FBN1: variants seen among roughly 807,000 people sequenced by gnomAD.
The protein encoded by FBN1 is fibrillin-1.
A neutral mutation model predicts 365.1 loss-of-function variants in FBN1; 29 were observed. The ratio of observed to expected loss-of-function variants is 0.08; its 90% CI spans 0.06 to 0.11. The LOEUF is 0.11. Ranked by LOEUF, FBN1 falls within the 10% of genes least tolerant of loss-of-function variation. FBN1 has a pLI of 1.00. For synonymous variants in FBN1, 1,210 were observed against 1,270.5 expected (o/e 0.95, Z 1.01); for missense variants, 2,476 against 3,703.2 (o/e 0.67, Z 8.60).
At position 48,468,440 on chromosome 15, in the gene FBN1, T is replaced by C. The variant is rs771174411; in HGVS notation, c.4554A>G (p.Glu1518=). The change falls in exon 37 of 66, where the codon GAA becomes GAG. Residue 1518 remains glutamate (E), a synonymous_variant. Transcript: ENST00000316623. ...SYICDCPPDF[E]LNPTRVGCVD... ...CACAGCCAACTCGAGTTGGGTTCAG[T>C]TCAAAATCAGGTGGGCAGTCACAGA... 1.2e-6 allele frequency: 2 copies of C among 1,614,170 alleles called. No individual in the cohort carries two copies.
rs201419274 is a variant in FBN1, at chr15:48,437,723, C to T, written c.6313+45G>A. 317 of 1,610,088 alleles carry T rather than the reference C, an allele frequency of 2.0e-4. 2 individuals are homozygous for T. In the African/African-American group the frequency reaches 3.7e-3, roughly 19 times the overall value. On this transcript the variant is annotated intron_variant, in intron 51 of 65. Coordinates refer to ENST00000316623, the MANE Select transcript of FBN1 (RefSeq NM_000138.5). Reference sequence around the variant, plus strand: ...CAGTCTTACTTACATCATGGCCAGTCTGCACCCTGCATGGCCCAGAGAGAA... The same window carrying T: ...CAGTCTTACTTACATCATGGCCAGTTTGCACCCTGCATGGCCCAGAGAGAA...
intron 6 of FBN1, among the ~76,000 whole-genome samples, chr15:48,552,568 C>T (rs1413674714): frequency 6.6e-6 from 1 of 152,052 alleles, no homozygotes; most frequent in Non-Finnish European, 1.5e-5. Flanking sequence ...CACTGGCTGG[C>T]CTGATGACAT....
At chr15:48,465,896 CTAAAGTTTTTAGAA>C (rs1566904053) in intron 38 of FBN1, 38 bp from the exon 39 acceptor site, 1 of 1,439,738 alleles carries the variant, frequency 6.9e-7, no homozygotes, top group Admixed American at 1.7e-5. Flanking sequence ...TGTTTTGAAT[CTAAAGTTTTTAGAA>C]ATAGTATCCT....
At chr15:48,555,577 A>G (rs1299420296) in intron 6 of FBN1, among the ~76,000 whole-genome samples, 1 of 152,118 alleles carries the variant, frequency 6.6e-6, no homozygotes, top group African/African-American at 2.4e-5. Context: ...CAGTCATACC[A>G]TTTGGCCATG....
chr15:48,491,973 G>T (rs1029219553), intron 24 of FBN1, among the ~76,000 whole-genome samples: 14 of 152,148 alleles, frequency 9.2e-5, no homozygotes, highest in African/African-American at 3.4e-4. Context: ...AGTTGGCACA[G>T]AATATCCCAC....
intron 6 of FBN1, among the ~76,000 whole-genome samples, chr15:48,591,724 C>A (rs181507870): frequency 1.3e-5 from 2 of 151,846 alleles, no homozygotes; most frequent in East Asian, 3.9e-4. Flanking sequence ...ATGAGTGGCC[C>A]CTTTCCAGTG....
chr15:48,546,122 T>G (rs773156354), intron 6 of FBN1, among the ~76,000 whole-genome samples: 9 of 152,218 alleles, frequency 5.9e-5, no homozygotes, highest in Non-Finnish European at 1.2e-4. Context: ...AACAGAATCA[T>G]GGGTTTCCTT....
chr15:48,456,223 T>A (rs1346030245), intron 44 of FBN1, among the ~76,000 whole-genome samples: 1 of 152,262 alleles, frequency 6.6e-6, no homozygotes, highest in East Asian at 1.9e-4. Flanking sequence ...AATATCTGCA[T>A]TAACCTTGTT....
At chr15:48,608,897 A>G (rs1597630484) in intron 4 of FBN1, among the ~76,000 whole-genome samples, 1 of 152,342 alleles carries the variant, frequency 6.6e-6, no homozygotes, top group East Asian at 1.9e-4. Context: ...TCGATAGAGA[A>G]GTCATTATCA....
At chr15:48,612,083 A>C (rs574444227) in intron 3 of FBN1, among the ~76,000 whole-genome samples, 1 of 152,368 alleles carries the variant, frequency 6.6e-6, no homozygotes, top group South Asian at 2.1e-4. Flanking sequence ...AGAAAAATCC[A>C]AATACCATTA....
intron 33 of FBN1, 41 bp downstream of exon 33, chr15:48,474,487 T>C (rs367614533): frequency 7.9e-5 from 127 of 1,613,972 alleles, no homozygotes; most frequent in Non-Finnish European, 9.1e-5. Flanking sequence ...GTGTAATCTA[T>C]GCAGTCCTTG....
intron 12 of FBN1, 55 bp downstream of exon 12, chr15:48,515,332 T>A: frequency 6.2e-7 from 1 of 1,604,220 alleles, no homozygotes; most frequent in Non-Finnish European, 8.5e-7. Context: ...ACCAGTAGAG[T>A]CAAGGAACAG....
intron 15 of FBN1, among the ~76,000 whole-genome samples, chr15:48,507,419 A>C (rs1488658782): frequency 6.6e-6 from 1 of 152,182 alleles, no homozygotes; most frequent in African/African-American, 2.4e-5. Context: ...CTCCTAGCAC[A>C]GGGCTCAAAA....
At chr15:48,516,631 C>G (rs1396014267) in intron 10 of FBN1, among the ~76,000 whole-genome samples, 1 of 152,156 alleles carries the variant, frequency 6.6e-6, no homozygotes, top group African/African-American at 2.4e-5. Context: ...AAATTCACCT[C>G]ATGGAAAACA....
At chr15:48,490,145 C>T in intron 24 of FBN1, 67 bp from the exon 25 acceptor site, 2 of 1,303,042 alleles carry the variant, frequency 1.5e-6, no homozygotes, top group East Asian at 2.3e-5. Flanking sequence ...ACTGCCAACA[C>T]TCTGTTAGGT....
chr15:48,556,988 G>A (rs955100264), intron 6 of FBN1, among the ~76,000 whole-genome samples: 3 of 152,084 alleles, frequency 2.0e-5, no homozygotes, highest in African/African-American at 7.2e-5. Flanking sequence ...CAGACTTTTC[G>A]AATGCCCTTC....
chr15:48,521,184 CCCTGG>C (rs1178726035), intron 9 of FBN1, among the ~76,000 whole-genome samples: 9 of 152,150 alleles, frequency 5.9e-5, no homozygotes, highest in Non-Finnish European at 1.0e-4. Context: ...ACTGGGTTGT[CCCTGG>C]TTTCAAACTG....
At chr15:48,608,120 T>C (rs183498349) in intron 4 of FBN1, among the ~76,000 whole-genome samples, 1 of 152,320 alleles carries the variant, frequency 6.6e-6, no homozygotes, top group East Asian at 1.9e-4. Flanking sequence ...CAATCTCTCA[T>C]TCAGGTCACT....
intron 6 of FBN1, among the ~76,000 whole-genome samples, chr15:48,572,137 C>A (rs752690249): frequency 6.6e-6 from 1 of 152,062 alleles, no homozygotes; most frequent in Non-Finnish European, 1.5e-5. Context: ...TTTCTCTGCA[C>A]TTTTCTAAAT....
Sources: gnomAD v4.1 joint callset for allele counts (sites outside exome capture counted in the v4.1 genomes callset) on GRCh38, gnomAD v4.1.1 for gene constraint, MANE v1.5 for transcripts, NCBI Gene and HGNC (gene_info 2026-07-23, HGNC 2026-07-21) for gene names.